PALMD: variants seen among roughly 807,000 people sequenced by gnomAD.
PALMD encodes the protein palmdelphin, also known as paralemmin-like protein.
In PALMD, 42 loss-of-function variants were observed where a neutral mutation model predicts 56.2. The observed-to-expected ratio is 0.75, with a 90% CI of 0.58 to 0.97. PALMD has a LOEUF of 0.97. Among genes scored for constraint, PALMD ranks in the 50% least tolerant of loss-of-function variants. The probability of loss-of-function intolerance (pLI) is 0.00; values close to 1 mark genes in which losing one functional copy is unlikely to be tolerated. For missense variants in PALMD, 660 were observed against 643.8 expected (o/e 1.03, Z -0.27); for synonymous variants, 242 against 222.9 (o/e 1.09, Z -0.76).
At position 99,667,437 on chromosome 1, in the gene PALMD, A is replaced by G. The variant is rs1311096802; in HGVS notation, c.127-205A>G. The G allele has an allele frequency of 7.4e-6, 4 of 543,716 alleles. No individual in the cohort carries two copies. In the African/African-American group the frequency reaches 7.6e-5, roughly 10 times the overall value. 33.7% of individuals were successfully genotyped at this position (543,716 alleles called of 1,614,324 possible). Reference sequence around the variant, plus strand: ...AACTAAACCTTGAAGTATAAATGGGATTTAGATGCATAAAACCTGGCTTTG... The same window carrying G: ...AACTAAACCTTGAAGTATAAATGGGGTTTAGATGCATAAAACCTGGCTTTG... On this transcript the variant is annotated intron_variant, in intron 2 of 7. Coordinates refer to ENST00000263174, the MANE Select transcript of PALMD (RefSeq NM_017734.5).
intron 2 of PALMD, among the ~76,000 whole-genome samples, chr1:99,665,293 T>A (rs1020500057): frequency 1.3e-5 from 2 of 152,174 alleles, no homozygotes; most frequent in African/African-American, 4.8e-5. Context: ...TGGCTTTCAA[T>A]TCTGAATTTC....
chr1:99,648,226 T>G (rs1187245646), intron 1 of PALMD, among the ~76,000 whole-genome samples: 3 of 151,948 alleles, frequency 2.0e-5, no homozygotes, highest in Admixed American at 2.0e-4. Flanking sequence ...GGGAACAAAT[T>G]TCTCATAAAC....
At chr1:99,672,928 CA>C (rs1245794455) in intron 3 of PALMD, among the ~76,000 whole-genome samples, 1 of 151,950 alleles carries the variant, frequency 6.6e-6, no homozygotes, top group East Asian at 1.9e-4. Flanking sequence ...ATTTGTCCCC[CA>C]AATAGTTAGA....
chr1:99,653,291 C>G (rs2100854110), intron 1 of PALMD, among the ~76,000 whole-genome samples: 1 of 152,208 alleles, frequency 6.6e-6, no homozygotes, highest in Middle Eastern at 3.4e-3. Flanking sequence ...CACTGAAGAC[C>G]CGGCCAAATT....
chr1:99,651,684 T>C (rs1652588800), intron 1 of PALMD, among the ~76,000 whole-genome samples: 1 of 152,184 alleles, frequency 6.6e-6, no homozygotes, highest in African/African-American at 2.4e-5. Flanking sequence ...CCTTAAGAAG[T>C]TCCCTTACCC....
intron 3 of PALMD, chr1:99,684,471 G>C (rs559263679): frequency 6.6e-6 from 1 of 152,234 alleles, no homozygotes; most frequent in Non-Finnish European, 1.5e-5. Context: ...CAAAGTAGAT[G>C]CTAAGTAAAT....
At chr1:99,685,364 G>C (rs145145946) in intron 3 of PALMD, 27 of 152,264 alleles carry the variant, frequency 1.8e-4, no homozygotes, top group African/African-American at 6.5e-4. Flanking sequence ...CCACAGCTCT[G>C]CTGAAGGGTA....
rs114640878 is a variant in PALMD, at chr1:99,670,485, A to G, written c.251+2719A>G. Among the ~76,000 whole-genome samples the G allele has an allele frequency of 4.4e-3, 674 of 152,290 alleles. 6 individuals are homozygous for G. The highest frequency in any genetic ancestry group is 0.015 in the African/African-American group (641 of 41,560). ...ACTTAATTAAGGCCACAGAGTCAGT[A>G]AAGGGTAGACTTAGATCTCAAAGCA... On this transcript the variant is annotated intron_variant, in intron 3 of 7. Transcript: ENST00000263174.
intron 1 of PALMD, among the ~76,000 whole-genome samples, chr1:99,647,602 T>C (rs1652471803): frequency 6.6e-6 from 1 of 152,228 alleles, no homozygotes; most frequent in South Asian, 2.1e-4. Flanking sequence ...TTTGTCCTTT[T>C]TTGTCATTAA....
intron 7 of PALMD, among the ~76,000 whole-genome samples, chr1:99,692,677 C>G (rs1398446880): frequency 6.6e-6 from 1 of 152,102 alleles, no homozygotes; most frequent in South Asian, 2.1e-4. Context: ...GCAATTTGCC[C>G]GTGACTTATA....
At chr1:99,669,074 T>C (rs896860613) in intron 3 of PALMD, 5 of 152,238 alleles carry the variant, frequency 3.3e-5, no homozygotes, top group African/African-American at 9.6e-5. Flanking sequence ...TACGACCGCA[T>C]TTTGTCCATA....
At chr1:99,671,230 G>A (rs371318798) in intron 3 of PALMD, among the ~76,000 whole-genome samples, 10 of 152,296 alleles carry the variant, frequency 6.6e-5, no homozygotes, top group Middle Eastern at 3.4e-3. Context: ...TGCTATTACC[G>A]TGGAGTCCAT....
chr1:99,657,826 A>C (rs1336667867), intron 1 of PALMD, among the ~76,000 whole-genome samples: 1 of 152,098 alleles, frequency 6.6e-6, no homozygotes, highest in Non-Finnish European at 1.5e-5. Flanking sequence ...CAAGCCCTTG[A>C]CTTGAATGCC....
intron 1 of PALMD, among the ~76,000 whole-genome samples, chr1:99,650,463 C>T (rs940575876): frequency 6.6e-6 from 1 of 152,116 alleles, no homozygotes; most frequent in African/African-American, 2.4e-5. Flanking sequence ...CAAAGACCAA[C>T]ATTAAAACAA....
Position 99,657,040 on chromosome 1 carries a change from T to C in PALMD, c.46-5279T>C, listed in dbSNP as rs543067232. ...CAGACTGATCCAAAATAAACTTCCA[T>C]GTGGGTTCCCCTTCTCCTATACCCA... On this transcript the variant is annotated intron_variant, in intron 1 of 7. Coordinates refer to ENST00000263174, the MANE Select transcript of PALMD (RefSeq NM_017734.5). Among the ~76,000 whole-genome samples, 248 of 152,314 alleles carry C rather than the reference T, an allele frequency of 1.6e-3. 1 individual carries two copies. The highest frequency in any genetic ancestry group is 5.6e-3 in the African/African-American group (231 of 41,582).
chr1:99,681,228 A>G (rs1557673173), intron 3 of PALMD, among the ~76,000 whole-genome samples: 1 of 151,738 alleles, frequency 6.6e-6, no homozygotes, highest in Non-Finnish European at 1.5e-5. Flanking sequence ...CAACAAAATA[A>G]CCCTAAGGAA....
At chr1:99,654,411 T>C (rs1652665993) in intron 1 of PALMD, among the ~76,000 whole-genome samples, 3 of 152,164 alleles carry the variant, frequency 2.0e-5, no homozygotes, top group African/African-American at 7.2e-5. Context: ...GAAGAAATGT[T>C]TGCATTTTTA....
intron 1 of PALMD, 42 bp from the exon 2 acceptor site, chr1:99,662,277 C>A: frequency 9.2e-7 from 1 of 1,082,906 alleles, no homozygotes; most frequent in Non-Finnish European, 1.4e-6. Context: ...CATAATTAAG[C>A]AAATTTTAAA....
At chr1:99,651,557 A>G (rs1652587089) in intron 1 of PALMD, among the ~76,000 whole-genome samples, 1 of 152,226 alleles carries the variant, frequency 6.6e-6, no homozygotes, top group Non-Finnish European at 1.5e-5. Context: ...TAGGACTTCC[A>G]CTTTTTAATC....
Sources: allele counts gnomAD v4.1 joint callset (sites outside exome capture counted in the v4.1 genomes callset), GRCh38; gene constraint gnomAD v4.1.1; transcripts MANE v1.5; gene names NCBI Gene and HGNC (gene_info 2026-07-23, HGNC 2026-07-21).